MAP3K19: variants seen among roughly 807,000 people sequenced by gnomAD.
MAP3K19 encodes the protein SPS1/STE20-related protein kinase YSK4.
Under a neutral mutation model 114.4 loss-of-function variants are expected in MAP3K19, and 91 were observed. The observed-to-expected ratio is 0.80, with a 90% confidence interval of 0.67 to 0.95. The LOEUF (loss-of-function observed/expected upper bound fraction) is 0.95, where lower values mean the gene tolerates loss of function less well. Among genes scored for constraint, MAP3K19 ranks in the 40% least tolerant of loss-of-function variants. MAP3K19 has a pLI of 0.00. For synonymous variants in MAP3K19, 518 were observed against 530.5 expected (o/e 0.98, Z 0.32); for missense variants, 1,471 against 1,573.2 (o/e 0.94, Z 1.10).
chr2:135,045,547 G>C (rs1001688559), intron 1 of MAP3K19, among the ~76,000 whole-genome samples: 1 of 152,028 alleles, frequency 6.6e-6, no homozygotes, highest in African/African-American at 2.4e-5. Context: ...ATAACAACTA[G>C]GCAAGAAATA....
intron 12 of MAP3K19, among the ~76,000 whole-genome samples, chr2:134,969,184 C>G (rs997198425): frequency 7.5e-6 from 1 of 133,684 alleles, no homozygotes; most frequent in African/African-American, 3.0e-5. Flanking sequence ...CCCGTCTCCA[C>G]CAAAAAAAAA....
At chr2:135,032,374 GA>G (rs1688404102) in intron 2 of MAP3K19, among the ~76,000 whole-genome samples, 1 of 110,846 alleles carries the variant, frequency 9.0e-6, no homozygotes, top group African/African-American at 4.0e-5. Context: ...AAAAAAAAAA[GA>G]AAAGAAAAGA....
intron 4 of MAP3K19, among the ~76,000 whole-genome samples, 188 bp from the exon 5 acceptor site, chr2:135,022,018 G>A (rs13408997): frequency 0.22 from 33,776 of 151,940 alleles, 5,356 homozygotes; most frequent in African/African-American, 0.43. Flanking sequence ...AAGAGTCCAC[G>A]GAGTGGATGG....
intron 2 of MAP3K19, among the ~76,000 whole-genome samples, chr2:135,034,849 G>A (rs1198311969): frequency 1.2e-5 from 1 of 81,996 alleles, no homozygotes; most frequent in Non-Finnish European, 2.8e-5. Context: ...GGGGGAGGGG[G>A]AGGGGGAGGG....
intron 8 of MAP3K19, 114 bp downstream of exon 8, chr2:134,998,624 T>C (rs1686201173): frequency 1.8e-6 from 2 of 1,128,674 alleles, no homozygotes; most frequent in Non-Finnish European, 2.5e-6. Flanking sequence ...AGGGCTGGGG[T>C]TATTTTCTGG....
At chr2:135,031,718 G>A (rs897165601) in intron 2 of MAP3K19, among the ~76,000 whole-genome samples, 2 of 152,222 alleles carry the variant, frequency 1.3e-5, no homozygotes, top group African/African-American at 4.8e-5. Flanking sequence ...AGACGACAGC[G>A]ACTGAACAAG....
At chr2:135,043,290 T>C (rs1360343718) in intron 1 of MAP3K19, among the ~76,000 whole-genome samples, 1 of 152,188 alleles carries the variant, frequency 6.6e-6, no homozygotes, top group Non-Finnish European at 1.5e-5. Flanking sequence ...GTTGGTGTTC[T>C]TGGCTTTCAA....
intron 12 of MAP3K19, among the ~76,000 whole-genome samples, chr2:134,975,502 G>C (rs200526701): frequency 1.3e-5 from 2 of 152,154 alleles, no homozygotes; most frequent in Non-Finnish European, 2.9e-5. Context: ...AGTGGTACAC[G>C]CAGGGGTCAG....
intron 12 of MAP3K19, among the ~76,000 whole-genome samples, chr2:134,967,908 G>A (rs577457001): frequency 2.0e-5 from 3 of 151,410 alleles, no homozygotes; most frequent in African/African-American, 4.8e-5. Context: ...TTCTCGCAGA[G>A]GGGGATTTGG....
At chr2:134,982,569 C>T (rs1212279445) in intron 11 of MAP3K19, among the ~76,000 whole-genome samples, 2 of 151,722 alleles carry the variant, frequency 1.3e-5, no homozygotes, top group African/African-American at 2.4e-5. Context: ...AGTCTAGTCT[C>T]GAACTCCTGA....
chr2:134,965,806 G>C (rs1683299159), intron 12 of MAP3K19, among the ~76,000 whole-genome samples: 1 of 152,094 alleles, frequency 6.6e-6, no homozygotes, highest in African/African-American at 2.4e-5. Flanking sequence ...ACCCTGCTCT[G>C]TTATCAAACA....
intron 8 of MAP3K19, 110 bp from the exon 9 acceptor site, chr2:134,991,690 T>C: frequency 1.2e-6 from 1 of 864,224 alleles, no homozygotes; most frequent in Admixed American, 2.2e-5. Context: ...TGAGGAAAAG[T>C]TGTAGAAATT....
chr2:135,025,195 C>CT (rs1227137512), intron 3 of MAP3K19, among the ~76,000 whole-genome samples: 1 of 151,488 alleles, frequency 6.6e-6, no homozygotes, highest in African/African-American at 2.4e-5. Context: ...TAACTGCTGA[C>CT]TTTTTTGATA....
At chr2:134,983,548 GA>G in intron 11 of MAP3K19, 127 bp downstream of exon 11, 1 of 665,196 alleles carries the variant, frequency 1.5e-6, no homozygotes, top group Non-Finnish European at 2.5e-6. Flanking sequence ...ACTTCCAACT[GA>G]AAGAGTTCTA....
chr2:135,037,363 T>C (rs1209441036), intron 2 of MAP3K19, among the ~76,000 whole-genome samples: 2 of 152,190 alleles, frequency 1.3e-5, no homozygotes, highest in Non-Finnish European at 2.9e-5. Flanking sequence ...TTGCGCAGCA[T>C]TGTTGAGGTG....
At chr2:134,978,084 A>G (rs867229340) in intron 12 of MAP3K19, among the ~76,000 whole-genome samples, 1 of 152,090 alleles carries the variant, frequency 6.6e-6, no homozygotes, top group South Asian at 2.1e-4. Flanking sequence ...GTTATGTGCT[A>G]GACTTGATGC....
intron 1 of MAP3K19, among the ~76,000 whole-genome samples, chr2:135,046,592 G>A (rs1308395410): frequency 2.0e-5 from 3 of 152,020 alleles, no homozygotes; most frequent in Non-Finnish European, 4.4e-5. Context: ...GAACTGTTTT[G>A]GTCAATGATT....
In MAP3K19 at chr2:134,981,491, G is replaced by A. The variant is rs780840572; in HGVS notation, c.3250C>T (p.Gln1084Ter). 1.9e-6 allele frequency: 3 copies of A among 1,613,868 alleles called. No individual in the cohort carries two copies. Among genetic ancestry groups the A allele is most frequent in the African/African-American group, 1.3e-5 (1 of 75,032 alleles). ...TVYCGLTSQG[Q>*]LIAVKQVALD... ...GCCACCTGTTTTACAGCTATTAGCT[G>A]TCCTTGACTAGTGAGACCACAGTAT... The change falls in exon 12 of 13, where the codon CAG (glutamine) becomes TAG (stop). Residue 1084 changes from glutamine to a stop codon, truncating the protein, a stop_gained. Transcript: ENST00000392915. LOFTEE classifies it high-confidence loss of function.
intron 2 of MAP3K19, among the ~76,000 whole-genome samples, chr2:135,033,374 C>T (rs1688437645): frequency 9.2e-6 from 1 of 108,830 alleles, no homozygotes; most frequent in Non-Finnish European, 1.7e-5. Flanking sequence ...GGGGGGCTGA[C>T]CCCCCCCACT....
Sources: allele counts gnomAD v4.1 joint callset (sites outside exome capture counted in the v4.1 genomes callset), GRCh38; gene constraint gnomAD v4.1.1; transcripts MANE v1.5; gene names NCBI Gene and HGNC (gene_info 2026-07-23, HGNC 2026-07-21).